RBFOX2: variants seen among roughly 807,000 people sequenced by gnomAD.
The protein encoded by RBFOX2 is RNA binding fox-1 homolog 2, also known as RNA binding protein fox-1 homolog 2.
In RBFOX2, 10 loss-of-function variants were observed where a neutral mutation model predicts 49.1. The ratio of observed to expected loss-of-function variants is 0.20; its 90% CI spans 0.13 to 0.35. The LOEUF (loss-of-function observed/expected upper bound fraction) is 0.35. Among genes scored for constraint, RBFOX2 ranks in the 10% least tolerant of loss-of-function variants. The pLI is 1.00. For missense variants in RBFOX2, 323 were observed against 486.9 expected (o/e 0.66, Z 3.17); for synonymous variants, 183 against 187.4 (o/e 0.98, Z 0.19).
At chr22:35,893,132 T>C (rs1454656601) in intron 1 of RBFOX2, among the ~76,000 whole-genome samples, 2 of 152,188 alleles carry the variant, frequency 1.3e-5, no homozygotes, top group East Asian at 3.8e-4. Flanking sequence ...ATGGCATACA[T>C]AGGAAATATT....
chr22:35,990,529 C>T (rs753666148), intron 1 of RBFOX2, among the ~76,000 whole-genome samples: 9 of 152,082 alleles, frequency 5.9e-5, no homozygotes, highest in East Asian at 3.8e-4. Context: ...GAAAATGAGA[C>T]GCTTGTCTTT....
At chr22:35,971,169 A>G (rs2056849680) in intron 1 of RBFOX2, among the ~76,000 whole-genome samples, 1 of 152,062 alleles carries the variant, frequency 6.6e-6, no homozygotes, top group Non-Finnish European at 1.5e-5. Flanking sequence ...CACACCAGGT[A>G]TGCTCCCCTG....
At chr22:36,027,963 A>G (rs1442226014) in intron 1 of RBFOX2, among the ~76,000 whole-genome samples, 1 of 152,034 alleles carries the variant, frequency 6.6e-6, no homozygotes, top group Admixed American at 6.5e-5. Context: ...AATGGAATCC[A>G]TCTCAACCTT....
At chr22:35,865,158 T>C (rs1035015984) in intron 1 of RBFOX2, among the ~76,000 whole-genome samples, 1 of 152,286 alleles carries the variant, frequency 6.6e-6, no homozygotes, top group East Asian at 1.9e-4. Context: ...TGGATGGATG[T>C]ATATCTCGGC....
At chr22:36,007,877 G>C (rs986905519) in intron 1 of RBFOX2, among the ~76,000 whole-genome samples, 4 of 152,094 alleles carry the variant, frequency 2.6e-5, no homozygotes, top group Admixed American at 6.5e-5. Context: ...TCCACTGTAT[G>C]AATGTACCTT....
chr22:35,939,268 C>T (rs2053451546), upstream of RBFOX2: 1 of 478,654 alleles, frequency 2.1e-6, no homozygotes. Flanking sequence ...GCCGTTAGCA[C>T]CCCTAAACAC....
intron 4 of RBFOX2, among the ~76,000 whole-genome samples, chr22:35,776,392 G>C (rs1001981498): frequency 1.3e-5 from 2 of 152,218 alleles, no homozygotes; most frequent in Admixed American, 6.5e-5. Flanking sequence ...TGGAAGCTTA[G>C]AGTATAATTA....
intron 3 of RBFOX2, among the ~76,000 whole-genome samples, chr22:35,779,004 C>G (rs981280284): frequency 6.6e-6 from 1 of 152,186 alleles, no homozygotes; most frequent in Non-Finnish European, 1.5e-5. Context: ...CTATTCACCA[C>G]TTTAATATTT....
Position 35,893,315 on chromosome 22 carries a change from TA to T in RBFOX2, c.-34+45531del, listed in dbSNP as rs888704329. ...GAAGCTCTGTTCCAGGGTTAATAAG[TA>T]AAAAAAAAAATTGAGATAAATACAC... is the stretch of plus-strand genomic sequence containing the variant. On this transcript the variant is annotated intron_variant, in intron 1 of 13. Coordinates refer to the RBFOX2 transcript ENST00000359369. 6.7e-4 allele frequency among the ~76,000 whole-genome samples: 99 copies of T among 146,830 alleles called. 1 individual carries two copies. Among genetic ancestry groups the T allele is most frequent in the South Asian group, 3.7e-3 (17 of 4,630 alleles).
intron 6 of RBFOX2, among the ~76,000 whole-genome samples, chr22:35,764,328 T>TA (rs1448651121): frequency 2.0e-5 from 3 of 152,112 alleles, no homozygotes; most frequent in African/African-American, 7.2e-5. Flanking sequence ...CTCACGCCTG[T>TA]AATCCCAGCA....
chr22:35,825,981 C>CA (rs901630936), intron 1 of RBFOX2, among the ~76,000 whole-genome samples: 4,569 of 39,138 alleles, frequency 0.12, 419 homozygotes, highest in African/African-American at 0.16. Flanking sequence ...GACTCCGCTT[C>CA]AAAAAAAAAA....
At chr22:35,881,238 T>C (rs953309528) in intron 1 of RBFOX2, among the ~76,000 whole-genome samples, 3 of 148,544 alleles carry the variant, frequency 2.0e-5, no homozygotes, top group Non-Finnish European at 4.5e-5. Flanking sequence ...GCACTCCAGC[T>C]TGGCAACAGA....
intron 1 of RBFOX2, among the ~76,000 whole-genome samples, chr22:35,883,996 ATC>A (rs1244693756): frequency 8.3e-5 from 10 of 120,494 alleles, no homozygotes; most frequent in African/African-American, 3.1e-4. Flanking sequence ...ATCTGTAGTT[ATC>A]TCTTTTTTTT....
At chr22:35,955,035 A>T (rs958740457) in intron 1 of RBFOX2, among the ~76,000 whole-genome samples, 8 of 152,248 alleles carry the variant, frequency 5.3e-5, no homozygotes, top group African/African-American at 1.9e-4. Flanking sequence ...ACATCAACTC[A>T]AGCAAAATTC....
chr22:35,790,983 G>A (rs1321209600), intron 2 of RBFOX2, among the ~76,000 whole-genome samples: 1 of 151,928 alleles, frequency 6.6e-6, no homozygotes, highest in African/African-American at 2.4e-5. Context: ...ACTCCTGCCT[G>A]GGCGACAAGG....
intron 1 of RBFOX2, among the ~76,000 whole-genome samples, chr22:35,924,959 A>G (rs1181730062): frequency 6.6e-6 from 1 of 152,096 alleles, no homozygotes; most frequent in Non-Finnish European, 1.5e-5. Flanking sequence ...GGATCACTTG[A>G]GGTCAGGAGT....
chr22:35,808,854 T>A (rs1205327792), intron 2 of RBFOX2, among the ~76,000 whole-genome samples: 1 of 151,960 alleles, frequency 6.6e-6, no homozygotes, highest in African/African-American at 2.4e-5. Context: ...GACAATACAA[T>A]TTCCCATATG....
intron 1 of RBFOX2, among the ~76,000 whole-genome samples, chr22:36,026,245 C>G (rs1019013680): frequency 1.4e-5 from 2 of 147,084 alleles, no homozygotes; most frequent in Non-Finnish European, 3.0e-5. Context: ...CCATTGCACT[C>G]CAGCCTGGGC....
chr22:35,879,976 C>T (rs1285121727), intron 1 of RBFOX2, among the ~76,000 whole-genome samples: 1 of 152,010 alleles, frequency 6.6e-6, no homozygotes, highest in Non-Finnish European at 1.5e-5. Flanking sequence ...GCCAACATGG[C>T]GAAACCCTGT....
Sources: gnomAD v4.1 joint callset for allele counts (sites outside exome capture counted in the v4.1 genomes callset) on GRCh38, gnomAD v4.1.1 for gene constraint, MANE v1.5 for transcripts, NCBI Gene and HGNC (gene_info 2026-07-23, HGNC 2026-07-21) for gene names.